Variants in RABGAP1L observed in about 807,000 individuals in gnomAD.
The protein encoded by RABGAP1L is RAB GTPase activating protein 1 like.
RABGAP1L carries 63 observed loss-of-function variants against 137.7 expected under a neutral mutation model. The ratio of observed to expected loss-of-function variants is 0.46; its 90% confidence interval spans 0.37 to 0.56. RABGAP1L has a LOEUF of 0.56. RABGAP1L is among the 20% of genes least tolerant of loss of function. RABGAP1L has a pLI of 0.00. For missense variants in RABGAP1L, 1,095 were observed against 1,244.0 expected, an observed-to-expected ratio of 0.88 and a Z score of 1.80; for synonymous variants, 431 against 433.7, an observed-to-expected ratio of 0.99 and a Z score of 0.08.
intron 11 of RABGAP1L, among the ~76,000 whole-genome samples, chr1:174,341,024 A>AT (rs964152290): frequency 9.4e-4 from 140 of 148,386 alleles, no homozygotes; most frequent in Non-Finnish European, 9.9e-4. Context: ...AGTGATGTTG[A>AT]TTTTTTTTTT....
chr1:174,900,325 A>G (rs1480461494), intron 19 of RABGAP1L, among the ~76,000 whole-genome samples: 1 of 152,226 alleles, frequency 6.6e-6, no homozygotes, highest in African/African-American at 2.4e-5. Context: ...TGGAGTTTCA[A>G]TACTGTAGAG....
chr1:174,809,992 G>A (rs1205910202), intron 18 of RABGAP1L, among the ~76,000 whole-genome samples: 2 of 152,182 alleles, frequency 1.3e-5, no homozygotes, highest in African/African-American at 4.8e-5. Flanking sequence ...AGAGAAATCT[G>A]AGATGTACTG....
rs111387405 is a variant in RABGAP1L at position 174,272,397 on chromosome 1, T to TC, written c.987-12dup. 101 of 1,600,504 alleles carry TC rather than the reference T, an allele frequency of 6.3e-5. 1 individual carries two copies. Among genetic ancestry groups the TC allele is most frequent in the Middle Eastern group, 5.0e-4 (3 of 6,024 alleles). The stretch of plus-strand genomic sequence containing the variant: ...CTTGATACCTTATTTCTCCTTTTTT[T>TC]CCCCCAATATTTTCAGATGTTTTGG... On this transcript the variant is annotated splice_polypyrimidine_tract_variant and intron_variant, in intron 7 of 25. Coordinates refer to ENST00000681986, the MANE Select transcript of RABGAP1L (RefSeq NM_001366446.1).
intron 20 of RABGAP1L, 30 bp from the exon 21 acceptor site, chr1:174,969,247 T>G (rs755018894): frequency 4.0e-6 from 6 of 1,484,332 alleles, no homozygotes; most frequent in Non-Finnish European, 3.7e-6. Flanking sequence ...CAGACACTAA[T>G]GCCCACCTCT....
chr1:174,282,304 C>T (rs906729925), intron 10 of RABGAP1L, among the ~76,000 whole-genome samples: 11 of 152,058 alleles, frequency 7.2e-5, no homozygotes, highest in East Asian at 1.9e-4. Flanking sequence ...CACTTAGTAT[C>T]GTCAGTCTTT....
At chr1:174,764,860 C>T (rs1685540875) in intron 18 of RABGAP1L, among the ~76,000 whole-genome samples, 1 of 152,208 alleles carries the variant, frequency 6.6e-6, no homozygotes, top group Non-Finnish European at 1.5e-5. Context: ...CCCAGGGGAG[C>T]TAGGGGGCAC....
chr1:174,279,872 A>T (rs779382034), intron 10 of RABGAP1L, among the ~76,000 whole-genome samples: 1 of 152,052 alleles, frequency 6.6e-6, no homozygotes. Context: ...ATAATTCTTC[A>T]TTTTGAGCCA....
chr1:174,252,791 G>C (rs574768381), intron 7 of RABGAP1L, among the ~76,000 whole-genome samples: 1 of 152,138 alleles, frequency 6.6e-6, no homozygotes, highest in Non-Finnish European at 1.5e-5. Flanking sequence ...AACATGAAAT[G>C]GTTTTAGTTT....
At chr1:174,936,580 G>C (rs550665617) in intron 19 of RABGAP1L, among the ~76,000 whole-genome samples, 1 of 152,282 alleles carries the variant, frequency 6.6e-6, no homozygotes, top group East Asian at 1.9e-4. Flanking sequence ...CTGGGCAACA[G>C]AGCAAGACCC....
At chr1:174,286,741 A>G (rs1321448687) in intron 10 of RABGAP1L, among the ~76,000 whole-genome samples, 1 of 151,804 alleles carries the variant, frequency 6.6e-6, no homozygotes, top group Non-Finnish European at 1.5e-5. Context: ...AAGTTTTGGT[A>G]TGTTGTATTT....
chr1:174,265,671 T>G (rs1219700684), intron 7 of RABGAP1L, among the ~76,000 whole-genome samples: 1 of 152,078 alleles, frequency 6.6e-6, no homozygotes, highest in Non-Finnish European at 1.5e-5. Flanking sequence ...TATGGAGGGT[T>G]TTTTTGTTTT....
At chr1:174,668,060 A>G (rs545074202) in intron 14 of RABGAP1L, among the ~76,000 whole-genome samples, 1 of 152,132 alleles carries the variant, frequency 6.6e-6, no homozygotes, top group Non-Finnish European at 1.5e-5. Flanking sequence ...TATTATGAAA[A>G]TTTTCAAATA....
At chr1:174,890,960 A>G (rs1656042799) in intron 19 of RABGAP1L, among the ~76,000 whole-genome samples, 2 of 152,206 alleles carry the variant, frequency 1.3e-5, no homozygotes, top group Admixed American at 1.3e-4. Context: ...AACATTTCAC[A>G]AAAGTGTGTG....
intron 10 of RABGAP1L, among the ~76,000 whole-genome samples, chr1:174,281,465 A>G (rs1005441573): frequency 1.3e-5 from 2 of 152,164 alleles, no homozygotes; most frequent in South Asian, 4.1e-4. Context: ...CAGAGTGCTG[A>G]TTGGTGCGTT....
rs577789928 is a variant in RABGAP1L at position 174,855,190 on chromosome 1, G to A, written c.2340+43230G>A. Among the ~76,000 whole-genome samples the A allele has an allele frequency of 6.8e-4, 103 of 152,216 alleles. 1 individual carries two copies. The highest frequency in any genetic ancestry group is 1.0e-3 in the Non-Finnish European group (70 of 68,014). The stretch of plus-strand genomic sequence containing the variant: ...GTAGGAAGTCAAATTACCATTGAGC[G>A]TAGGTCATATATTCTAGTAGTAGAG... On this transcript the variant is annotated intron_variant, in intron 19 of 25. Transcript: ENST00000681986.
chr1:174,753,362 C>A (rs972802580), intron 18 of RABGAP1L, among the ~76,000 whole-genome samples: 4 of 152,090 alleles, frequency 2.6e-5, no homozygotes, highest in Admixed American at 6.6e-5. Flanking sequence ...CCTCTTGATA[C>A]GTTAGGAGAG....
chr1:174,489,311 A>T (rs954518768), intron 13 of RABGAP1L, among the ~76,000 whole-genome samples: 2 of 152,262 alleles, frequency 1.3e-5, no homozygotes, highest in African/African-American at 2.4e-5. Flanking sequence ...GAATCTACAA[A>T]GAACTTAAAC....
intron 13 of RABGAP1L, among the ~76,000 whole-genome samples, chr1:174,506,804 T>C (rs1023717810): frequency 2.6e-5 from 4 of 152,072 alleles, no homozygotes; most frequent in African/African-American, 9.7e-5. Flanking sequence ...AAACCACCTG[T>C]TCCCCAAAAA....
chr1:174,815,489 G>C (rs2148868579), intron 19 of RABGAP1L, among the ~76,000 whole-genome samples: 1 of 152,174 alleles, frequency 6.6e-6, no homozygotes, highest in South Asian at 2.1e-4. Flanking sequence ...ATATAGTTGT[G>C]TCTTTTTTGA....
Sources: gnomAD v4.1 joint callset for allele counts (sites outside exome capture counted in the v4.1 genomes callset) on GRCh38, gnomAD v4.1.1 for gene constraint, MANE v1.5 for transcripts, NCBI Gene and HGNC (gene_info 2026-07-23, HGNC 2026-07-21) for gene names.